NAV3: variants seen among roughly 807,000 people sequenced by gnomAD.
NAV3 encodes pore membrane and/or filament interacting like protein 1.
A neutral mutation model predicts 244.7 loss-of-function variants in NAV3; 87 were observed. The ratio of observed to expected loss-of-function variants is 0.36; its 90% CI spans 0.30 to 0.42. The LOEUF is 0.42. Ranked by LOEUF, NAV3 falls within the 20% of genes least tolerant of loss-of-function variation. The pLI is 1.00. For missense variants in NAV3, 2,663 were observed against 2,893.3 expected (o/e 0.92, Z 1.83); for synonymous variants, 1,126 against 1,042.2 (o/e 1.08, Z -1.55).
intron 2 of NAV3, among the ~76,000 whole-genome samples, chr12:77,674,987 A>G (rs529805286): frequency 1.3e-5 from 2 of 152,216 alleles, no homozygotes; most frequent in Non-Finnish European, 2.9e-5. Flanking sequence ...TGGGTGGTCA[A>G]AGAAGGTATT....
intron 2 of NAV3, among the ~76,000 whole-genome samples, chr12:77,825,136 C>T (rs940248402): frequency 2.0e-4 from 30 of 152,054 alleles, no homozygotes; most frequent in Non-Finnish European, 1.0e-4. Context: ...CTTTCAAAAA[C>T]GGAGGCAAAG....
intron 12 of NAV3, among the ~76,000 whole-genome samples, chr12:78,112,883 C>G (rs1191498760): frequency 6.6e-6 from 1 of 152,150 alleles, no homozygotes; most frequent in Non-Finnish European, 1.5e-5. Context: ...TCCCTTCTGC[C>G]TATGAGCCTG....
intron 1 of NAV3, among the ~76,000 whole-genome samples, chr12:77,929,090 T>C (rs552726318): frequency 1.3e-5 from 2 of 152,198 alleles, no homozygotes; most frequent in Non-Finnish European, 2.9e-5. Flanking sequence ...AATGCTGTAA[T>C]AATGATATTT....
chr12:77,863,628 T>G (rs1002519381), intron 1 of NAV3, among the ~76,000 whole-genome samples: 2 of 151,948 alleles, frequency 1.3e-5, no homozygotes, highest in African/African-American at 4.8e-5. Flanking sequence ...CTATGATTTC[T>G]TGATTCATTG....
rs748531378 is a variant in NAV3 at position 77,766,735 on chromosome 12, GTT to G, written c.73-173549_73-173548del. Among the ~76,000 whole-genome samples the G allele has an allele frequency of 1.5e-3, 89 of 60,508 alleles. 5 individuals are homozygous for G. Among genetic ancestry groups the G allele is most frequent in the Non-Finnish European group, 1.4e-3 (47 of 33,044 alleles). The allele number at this position is 60,508 out of a possible 152,430, so 39.7% of individuals were successfully genotyped here. A position where few individuals can be genotyped will look rare whatever the true frequency, so the allele number is the denominator to read the frequency against. On this transcript the variant is annotated intron_variant, in intron 2 of 8. Transcript: ENST00000550042. ...AGGATTCTAAAAAACAGGCAATTAA[GTT>G]TTTTTTTTTTTTTTTTTTTTTTTTT...
chr12:77,581,487 T>G (rs1335977450), intron 2 of NAV3, among the ~76,000 whole-genome samples: 2 of 152,202 alleles, frequency 1.3e-5, no homozygotes, highest in Non-Finnish European at 2.9e-5. Context: ...GTTATATTGC[T>G]TATTTAGAAT....
intron 1 of NAV3, among the ~76,000 whole-genome samples, chr12:77,878,873 A>T (rs911919745): frequency 6.6e-6 from 1 of 151,998 alleles, no homozygotes; most frequent in Non-Finnish European, 1.5e-5. Flanking sequence ...TTATTTTCTC[A>T]GAATAGCTGA....
At chr12:77,612,265 T>G (rs7307509) in intron 2 of NAV3, among the ~76,000 whole-genome samples, 6,132 of 152,256 alleles carry the variant, frequency 0.04, 237 homozygotes, top group African/African-American at 0.1. Context: ...GAATCAGTTC[T>G]CATAAATGTC....
Position 77,714,814 on chromosome 12 carries a change from C to A in NAV3, c.72+142548C>A, listed in dbSNP as rs191630684. Among the ~76,000 whole-genome samples the A allele has an allele frequency of 1.4e-4, 22 of 152,032 alleles. No individual in the cohort carries two copies. In the East Asian group the frequency reaches 4.3e-3, roughly 29 times the overall value. On this transcript the variant is annotated intron_variant, in intron 2 of 8. Coordinates refer to the NAV3 transcript ENST00000550042. ...ATCTCTAACAATTTGGGAATCTTTG[C>A]CATTTCAAATAGATTATAGAAAAAA...
intron 1 of NAV3, among the ~76,000 whole-genome samples, chr12:77,848,073 A>C (rs1452859297): frequency 6.6e-6 from 1 of 152,202 alleles, no homozygotes; most frequent in African/African-American, 2.4e-5. Flanking sequence ...TTATTTACAG[A>C]ACACCTATAA....
In NAV3 at chr12:77,973,010, C is replaced by T. The variant is rs1593162525; in HGVS notation, c.671+4308C>T. ...ACAGTAAAAAAAAAATAAAATGAAA[C>T]TTAATTTTTCTTATGTACTGACCTG... On this transcript the variant is annotated intron_variant, in intron 5 of 39. Coordinates refer to ENST00000397909, the MANE Select transcript of NAV3 (RefSeq NM_001024383.2). Among the ~76,000 whole-genome samples, 6 of 151,812 alleles carry T rather than the reference C, an allele frequency of 4.0e-5. No homozygotes were observed. In the South Asian group the frequency reaches 1.2e-3, roughly 31 times the overall value.
rs1347405749 is a variant in NAV3, at chr12:77,851,541, A to G, written c.243+19837A>G. Among the ~76,000 whole-genome samples the G allele has an allele frequency of 2.5e-4, 14 of 56,164 alleles. No homozygotes were observed. The South Asian group carries it at 8.8e-3, about 35-fold the overall frequency. The allele number at this position is 56,164 out of a possible 152,430, so 36.8% of individuals were successfully genotyped here. On this transcript the variant is annotated intron_variant, in intron 1 of 39. Coordinates refer to ENST00000397909, the MANE Select transcript of NAV3 (RefSeq NM_001024383.2). ...CACAATGAACTTAAAAATATTTTCAATAATATTAAGCAATCAATTATTTGT... is the reference window on the plus strand; with the variant it reads ...CACAATGAACTTAAAAATATTTTCAGTAATATTAAGCAATCAATTATTTGT...
At chr12:77,640,852 A>G (rs1277774147) in intron 2 of NAV3, among the ~76,000 whole-genome samples, 15 of 152,176 alleles carry the variant, frequency 9.9e-5, no homozygotes, top group Admixed American at 9.2e-4. Context: ...CTCACACCCA[A>G]GTAAACATGG....
intron 1 of NAV3, among the ~76,000 whole-genome samples, chr12:77,893,623 T>A (rs537778949): frequency 6.6e-6 from 1 of 151,616 alleles, no homozygotes; most frequent in Non-Finnish European, 1.5e-5. Context: ...GGATTGTAAT[T>A]GTACGCCAGC....
intron 12 of NAV3, among the ~76,000 whole-genome samples, chr12:78,104,104 C>T (rs369990949): frequency 2.0e-5 from 3 of 152,062 alleles, no homozygotes; most frequent in Admixed American, 6.5e-5. Flanking sequence ...CATGTTTCTT[C>T]GATTAATGGA....
chr12:77,876,707 G>A (rs1216051340), intron 1 of NAV3, among the ~76,000 whole-genome samples: 2 of 152,118 alleles, frequency 1.3e-5, no homozygotes, highest in East Asian at 3.9e-4. Flanking sequence ...TATTGATGAT[G>A]TACAAGCCAC....
chr12:77,713,133 A>C (rs1876201237), intron 2 of NAV3, among the ~76,000 whole-genome samples: 1 of 152,186 alleles, frequency 6.6e-6, no homozygotes, highest in Admixed American at 6.6e-5. Flanking sequence ...ACTTCACTTA[A>C]GGGCCACACC....
chr12:77,975,881 G>C (rs1315491038), intron 5 of NAV3, among the ~76,000 whole-genome samples: 4 of 152,114 alleles, frequency 2.6e-5, no homozygotes, highest in African/African-American at 9.7e-5. Context: ...AAAATAGAGT[G>C]TAGTAGGGAA....
chr12:77,606,976 T>C (rs1324567273), intron 2 of NAV3, among the ~76,000 whole-genome samples: 7 of 152,092 alleles, frequency 4.6e-5, no homozygotes. Context: ...TGAAAACTGA[T>C]TGGATTCAGG....
Sources: gnomAD v4.1 joint callset for allele counts (sites outside exome capture counted in the v4.1 genomes callset) on GRCh38, gnomAD v4.1.1 for gene constraint, MANE v1.5 for transcripts, NCBI Gene and HGNC (gene_info 2026-07-23, HGNC 2026-07-21) for gene names.